Variants in SMYD3 observed in about 807,000 individuals in gnomAD.
SMYD3 encodes SET and MYND domain containing 3, also known as histone-lysine N-methyltransferase SMYD3.
A neutral mutation model predicts 57.7 loss-of-function variants in SMYD3; 36 were observed. The observed-to-expected ratio is 0.62, with a 90% confidence interval of 0.48 to 0.82. The LOEUF is 0.82. SMYD3 is among the 40% of genes least tolerant of loss of function. SMYD3 has a pLI of 0.00. For missense variants in SMYD3, 515 were observed against 538.8 expected (o/e 0.96, Z 0.44); for synonymous variants, 211 against 195.0 (o/e 1.08, Z -0.68).
intron 1 of SMYD3, among the ~76,000 whole-genome samples, chr1:246,372,489 A>T (rs1473235242): frequency 6.6e-6 from 1 of 152,234 alleles, no homozygotes; most frequent in East Asian, 1.9e-4. Flanking sequence ...GAATTAATTT[A>T]TTCAGATAAT....
chr1:245,822,880 T>G (rs971324266), intron 10 of SMYD3, among the ~76,000 whole-genome samples: 1 of 152,210 alleles, frequency 6.6e-6, no homozygotes. Context: ...AAATCTCTAC[T>G]AGAACAGGGC....
chr1:245,934,333 G>T lies in SMYD3; in HGVS notation c.532-4396C>A, dbSNP rs1396538648. 2.0e-5 allele frequency among the ~76,000 whole-genome samples: 3 copies of T among 151,718 alleles called. No individual in the cohort carries two copies. In the South Asian group the frequency reaches 6.2e-4, roughly 32 times the overall value. ...AACTGCCTCTGCCCCCCGGCACCCCGACTCCTAGAACTAATATTTCTCTAA... is the reference window on the plus strand; with the variant it reads ...AACTGCCTCTGCCCCCCGGCACCCCTACTCCTAGAACTAATATTTCTCTAA... On this transcript the variant is annotated intron_variant, in intron 5 of 11. Coordinates refer to ENST00000490107, the MANE Select transcript of SMYD3 (RefSeq NM_001167740.2).
At chr1:246,038,064 C>T (rs2059807764) in intron 5 of SMYD3, among the ~76,000 whole-genome samples, 1 of 152,198 alleles carries the variant, frequency 6.6e-6, no homozygotes, top group African/African-American at 2.4e-5. Context: ...AAACAGGCAG[C>T]AGGCCAGATA....
chr1:246,362,487 T>C (rs1175719667), intron 1 of SMYD3, among the ~76,000 whole-genome samples: 1 of 112,406 alleles, frequency 8.9e-6, no homozygotes, highest in Non-Finnish European at 1.8e-5. Context: ...TCCCTCTCTT[T>C]CCACGGTCTC....
intron 5 of SMYD3, among the ~76,000 whole-genome samples, chr1:246,076,694 T>C (rs2060555037): frequency 6.6e-6 from 1 of 151,426 alleles, no homozygotes; most frequent in Non-Finnish European, 1.5e-5. Context: ...TTTTCTAGAT[T>C]AATTCAATTC....
At chr1:246,329,143 A>G (rs1184932027) in intron 4 of SMYD3, among the ~76,000 whole-genome samples, 4 of 152,214 alleles carry the variant, frequency 2.6e-5, no homozygotes, top group Non-Finnish European at 5.9e-5. Context: ...TAGTGCCACA[A>G]TAAACATACG....
chr1:246,445,619 C>T (rs1010084065), intron 1 of SMYD3, among the ~76,000 whole-genome samples: 3 of 152,008 alleles, frequency 2.0e-5, no homozygotes, highest in Non-Finnish European at 4.4e-5. Flanking sequence ...ACAAAGAAAA[C>T]GAACTTAGGA....
chr1:246,505,474 G>A (rs970501286), intron 1 of SMYD3, among the ~76,000 whole-genome samples: 2 of 150,486 alleles, frequency 1.3e-5, no homozygotes, highest in South Asian at 2.1e-4. Flanking sequence ...TATGGTGTTC[G>A]TGGTACCTAC....
chr1:245,753,993 A>T (rs928634004), intron 11 of SMYD3, among the ~76,000 whole-genome samples: 1 of 152,114 alleles, frequency 6.6e-6, no homozygotes, highest in Non-Finnish European at 1.5e-5. Flanking sequence ...CCTGCACATA[A>T]TCTTTCACAG....
chr1:246,260,825 T>C (rs1009339428), intron 5 of SMYD3, among the ~76,000 whole-genome samples: 3 of 152,174 alleles, frequency 2.0e-5, no homozygotes, highest in African/African-American at 7.2e-5. Context: ...GCCTCTTATC[T>C]GCCATCTTAG....
chr1:245,898,072 A>G (rs544516315), intron 8 of SMYD3, among the ~76,000 whole-genome samples: 89 of 152,236 alleles, frequency 5.8e-4, no homozygotes, highest in African/African-American at 2.1e-3. Flanking sequence ...TTTTGAAAGT[A>G]GTCTTTTAGG....
intron 5 of SMYD3, among the ~76,000 whole-genome samples, chr1:245,966,202 C>T (rs1038579906): frequency 4.6e-5 from 7 of 152,090 alleles, no homozygotes; most frequent in African/African-American, 1.7e-4. Flanking sequence ...GACAGGGTCT[C>T]ACTCTGTTGC....
chr1:246,413,527 T>C (rs1359065670), intron 1 of SMYD3, among the ~76,000 whole-genome samples: 6 of 152,126 alleles, frequency 3.9e-5, no homozygotes, highest in South Asian at 2.1e-4. Context: ...TCACGCTGAA[T>C]TGTAATCCCC....
intron 5 of SMYD3, among the ~76,000 whole-genome samples, chr1:245,945,964 G>A (rs1003147852): frequency 6.6e-6 from 1 of 152,172 alleles, no homozygotes; most frequent in South Asian, 2.1e-4. Context: ...CCTGTCCGGG[G>A]ATTGAGGGGC....
intron 8 of SMYD3, among the ~76,000 whole-genome samples, chr1:245,880,676 G>A (rs2052734032): frequency 6.6e-6 from 1 of 152,206 alleles, no homozygotes; most frequent in Admixed American, 6.5e-5. Context: ...CAAAGTGGTG[G>A]AGAAGGACTT....
chr1:245,858,194 T>C (rs9725749), intron 10 of SMYD3, among the ~76,000 whole-genome samples: 84,458 of 151,990 alleles, frequency 0.56, 26,645 homozygotes, highest in Non-Finnish European at 0.73. Flanking sequence ...CCTGAGCCCG[T>C]CTTTGTCACT....
At chr1:246,409,184 G>T (rs1205196716) in intron 1 of SMYD3, among the ~76,000 whole-genome samples, 1 of 152,196 alleles carries the variant, frequency 6.6e-6, no homozygotes, top group East Asian at 1.9e-4. Context: ...AGTTCAATTA[G>T]ATCCCATTTG....
At chr1:245,983,886 G>C (rs1456351542) in intron 5 of SMYD3, among the ~76,000 whole-genome samples, 1 of 151,874 alleles carries the variant, frequency 6.6e-6, no homozygotes. Flanking sequence ...ATGAGGGAGA[G>C]AATAAAGGTA....
chr1:245,977,019 GTCTCTA>G lies in SMYD3; in HGVS notation c.532-47088_532-47083del, dbSNP rs1446755132. On this transcript the variant is annotated intron_variant, in intron 5 of 11. Transcript: ENST00000490107. ...CGTCTCTAGCCCAGGGAAAGCCATC[GTCTCTA>G]GCCCAGGGAAAGCCATCGTCTCCGG... Among the ~76,000 whole-genome samples, 44 of 116,658 alleles carry G rather than the reference GTCTCTA, an allele frequency of 3.8e-4. 7 individuals are homozygous for G. Among genetic ancestry groups the G allele is most frequent in the East Asian group, 2.8e-3 (12 of 4,236 alleles). 76.5% of individuals were successfully genotyped at this position (116,658 alleles called of 152,430 possible). A position where few individuals can be genotyped will look rare whatever the true frequency, so the allele number is the denominator to read the frequency against.
Sources: allele counts gnomAD v4.1 joint callset (sites outside exome capture counted in the v4.1 genomes callset), GRCh38; gene constraint gnomAD v4.1.1; transcripts MANE v1.5; gene names NCBI Gene and HGNC (gene_info 2026-07-23, HGNC 2026-07-21).